The following UVRAG variants were observed in gnomAD, a reference collection of about 807,000 sequenced individuals.
UVRAG encodes the protein UV radiation resistance-associated gene protein.
A neutral mutation model predicts 78.0 loss-of-function variants in UVRAG; 19 were observed. The ratio of observed to expected loss-of-function variants is 0.24; its 90% CI spans 0.17 to 0.36. The LOEUF (loss-of-function observed/expected upper bound fraction) is 0.36, where lower values mean the gene tolerates loss of function less well. Ranked by LOEUF, UVRAG falls within the 10% of genes least tolerant of loss-of-function variation. UVRAG has a pLI of 1.00. For synonymous variants in UVRAG, 323 were observed against 324.6 expected (o/e 1.00, Z 0.05); for missense variants, 740 against 853.8 (o/e 0.87, Z 1.66).
intron 12 of UVRAG, among the ~76,000 whole-genome samples, chr11:76,063,530 C>T (rs936437356): frequency 1.3e-5 from 2 of 152,154 alleles, no homozygotes; most frequent in African/African-American, 4.8e-5. Context: ...ATAGAAAGAG[C>T]TACAAGGTAT....
intron 5 of UVRAG, among the ~76,000 whole-genome samples, chr11:75,899,521 G>T (rs139111831): frequency 6.6e-6 from 1 of 152,186 alleles, no homozygotes; most frequent in East Asian, 1.9e-4. Flanking sequence ...TTAAACTACT[G>T]CCCCAAGCAA....
intron 1 of UVRAG, among the ~76,000 whole-genome samples, chr11:75,824,964 C>T (rs1347452324): frequency 2.6e-5 from 4 of 151,438 alleles, no homozygotes; most frequent in African/African-American, 4.9e-5. Flanking sequence ...TGAGCCAGCG[C>T]GCCCGGCCAA....
chr11:76,003,491 G>C (rs1350246750), intron 8 of UVRAG, among the ~76,000 whole-genome samples: 1 of 151,774 alleles, frequency 6.6e-6, no homozygotes. Context: ...AAAGTGCTGG[G>C]ATTACAGGCA....
chr11:75,935,288 T>C (rs1411733341), intron 6 of UVRAG, among the ~76,000 whole-genome samples: 1 of 152,202 alleles, frequency 6.6e-6, no homozygotes, highest in African/African-American at 2.4e-5. Context: ...TTAATTTGTG[T>C]GGGAGCTCTT....
intron 1 of UVRAG, among the ~76,000 whole-genome samples, chr11:75,850,327 A>C (rs1186372292): frequency 6.6e-6 from 1 of 152,198 alleles, no homozygotes; most frequent in African/African-American, 2.4e-5. Flanking sequence ...CTTCTTTCCT[A>C]AACTTTGAAA....
At chr11:76,103,744 T>G (rs550485810) in intron 13 of UVRAG, among the ~76,000 whole-genome samples, 1 of 152,084 alleles carries the variant, frequency 6.6e-6, no homozygotes, top group Non-Finnish European at 1.5e-5. Context: ...TCTGGAAAAC[T>G]GTGTTCCATT....
chr11:75,996,107 G>A (rs1236774080), intron 8 of UVRAG, among the ~76,000 whole-genome samples: 1 of 152,044 alleles, frequency 6.6e-6, no homozygotes, highest in Non-Finnish European at 1.5e-5. Context: ...TTGTAGGAAT[G>A]GCAAACTGTC....
At chr11:76,027,357 T>C (rs1290170837) in intron 12 of UVRAG, among the ~76,000 whole-genome samples, 3 of 152,274 alleles carry the variant, frequency 2.0e-5, no homozygotes, top group African/African-American at 7.2e-5. Context: ...TCACTGAAAA[T>C]GTTAATTATT....
intron 6 of UVRAG, among the ~76,000 whole-genome samples, chr11:75,924,466 A>G (rs1247083587): frequency 6.6e-6 from 1 of 151,942 alleles, no homozygotes; most frequent in Non-Finnish European, 1.5e-5. Context: ...GCTCACTGCA[A>G]GCTCTGTCTC....
At chr11:76,017,865 C>T (rs940217859) in intron 12 of UVRAG, among the ~76,000 whole-genome samples, 9 of 151,994 alleles carry the variant, frequency 5.9e-5, no homozygotes, top group African/African-American at 1.9e-4. Context: ...CGCAGCAGAC[C>T]TGCAGTAAAG....
rs141250261 is a variant in UVRAG, at chr11:75,871,930, T to G, written c.271-7949T>G. 6.1e-3 allele frequency among the ~76,000 whole-genome samples: 932 copies of G among 152,336 alleles called. 8 individuals carry two copies. Among genetic ancestry groups the G allele is most frequent in the Non-Finnish European group, 9.0e-3 (615 of 68,028 alleles). On this transcript the variant is annotated intron_variant, in intron 3 of 14. Transcript: ENST00000356136. ...GGTTTTAGTTTAGTTTAATATGGTA[T>G]TATGATATTTATGTTGTGGAGCACT...
At position 76,104,847 on chromosome 11, in the gene UVRAG, G is replaced by T. The variant is rs148370204; in HGVS notation, c.1306-11077G>T. On this transcript the variant is annotated intron_variant, in intron 13 of 14. Coordinates refer to ENST00000356136, the MANE Select transcript of UVRAG (RefSeq NM_003369.4). ...ATCCAATTTATAGCAACAGATTTAA[G>T]TGCATTTTTTCATTTCAGTAAAACT... Among the ~76,000 whole-genome samples the T allele has an allele frequency of 5.3e-3, 809 of 152,266 alleles. 9 individuals carry two copies. The highest frequency in any genetic ancestry group is 0.019 in the African/African-American group (790 of 41,546).
At chr11:76,102,566 C>A (rs1309031064) in intron 13 of UVRAG, among the ~76,000 whole-genome samples, 1 of 152,126 alleles carries the variant, frequency 6.6e-6, no homozygotes, top group Non-Finnish European at 1.5e-5. Context: ...TTATTTATTT[C>A]TCTTGCCCAG....
chr11:75,851,822 C>G (rs1946157965), intron 1 of UVRAG, 61 bp from the exon 2 acceptor site: 1 of 1,362,090 alleles, frequency 7.3e-7, no homozygotes, highest in South Asian at 1.2e-5. Flanking sequence ...ACTGCAACTT[C>G]CAGAAAATTT....
intron 6 of UVRAG, among the ~76,000 whole-genome samples, chr11:75,941,702 A>G (rs559930893): frequency 2.6e-5 from 4 of 152,114 alleles, no homozygotes; most frequent in Non-Finnish European, 5.9e-5. Flanking sequence ...TTTGGTGCAG[A>G]GTTTCAGAAT....
intron 6 of UVRAG, among the ~76,000 whole-genome samples, chr11:75,955,409 T>G (rs1458375533): frequency 6.6e-6 from 1 of 151,994 alleles, no homozygotes; most frequent in Non-Finnish European, 1.5e-5. Context: ...ATTTTCAGGG[T>G]TTAGGGTAAT....
At chr11:75,901,174 A>G (rs951720566) in intron 5 of UVRAG, among the ~76,000 whole-genome samples, 2 of 152,234 alleles carry the variant, frequency 1.3e-5, no homozygotes, top group African/African-American at 4.8e-5. Flanking sequence ...CTACTGATTC[A>G]TTAGGTAGCT....
At chr11:75,910,531 CT>C in intron 5 of UVRAG, among the ~76,000 whole-genome samples, 1 of 146,928 alleles carries the variant, frequency 6.8e-6, no homozygotes, top group Non-Finnish European at 1.5e-5. Flanking sequence ...CTATTTATTC[CT>C]TTTTATCTTT....
chr11:76,117,618 G>T (rs1952204962), intron 14 of UVRAG, among the ~76,000 whole-genome samples: 1 of 152,198 alleles, frequency 6.6e-6, no homozygotes, highest in African/African-American at 2.4e-5. Flanking sequence ...AAACGGGCTT[G>T]CAAAGATGTC....
Sources: gnomAD v4.1 joint callset for allele counts (sites outside exome capture counted in the v4.1 genomes callset) on GRCh38, gnomAD v4.1.1 for gene constraint, MANE v1.5 for transcripts, NCBI Gene and HGNC (gene_info 2026-07-23, HGNC 2026-07-21) for gene names.